The following FGD3 variants were observed in gnomAD, a reference collection of about 807,000 sequenced individuals.
FGD3 encodes FYVE, RhoGEF and PH domain-containing protein 3.
FGD3 carries 45 observed loss-of-function variants against 71.8 expected under a neutral mutation model. The observed-to-expected ratio is 0.63, with a 90% confidence interval of 0.49 to 0.80. FGD3 has a LOEUF of 0.80. FGD3 is among the 30% of genes least tolerant of loss of function. The pLI is 0.00. For synonymous variants in FGD3, 378 were observed against 392.8 expected (o/e 0.96, Z 0.44); for missense variants, 844 against 951.5 (o/e 0.89, Z 1.49).
At chr9:93,004,218 T>C (rs1367807836) in intron 5 of FGD3, 81 bp downstream of exon 5, 7 of 1,560,048 alleles carry the variant, frequency 4.5e-6, no homozygotes, top group Non-Finnish European at 5.2e-6. Context: ...GCGAGGCAAG[T>C]GCTGGGGGAC....
At chr9:92,962,134 G>A (rs1859178349) in intron 1 of FGD3, among the ~76,000 whole-genome samples, 1 of 152,184 alleles carries the variant, frequency 6.6e-6, no homozygotes, top group South Asian at 2.1e-4. Context: ...AACCAGGGAC[G>A]ACAGGACACT....
chr9:93,029,757 C>T, intron 14 of FGD3, 117 bp from the exon 15 acceptor site: 1 of 1,381,828 alleles, frequency 7.2e-7, no homozygotes, highest in Non-Finnish European at 9.8e-7. Context: ...GCATGTTCCA[C>T]TTTTTGCCTT....
intron 3 of FGD3, among the ~76,000 whole-genome samples, chr9:92,977,266 G>A (rs1318407628): frequency 6.6e-6 from 1 of 152,148 alleles, no homozygotes; most frequent in East Asian, 1.9e-4. Flanking sequence ...CCCACAACAC[G>A]ATGGGGCTGC....
intron 14 of FGD3, 63 bp downstream of exon 14, chr9:93,022,452 T>A: frequency 1.3e-6 from 2 of 1,564,106 alleles, no homozygotes; most frequent in East Asian, 4.5e-5. Context: ...CAGACCAGGA[T>A]GACCTATAGG....
chr9:92,990,424 C>T (rs918867914), intron 3 of FGD3, among the ~76,000 whole-genome samples: 1 of 152,172 alleles, frequency 6.6e-6, no homozygotes, highest in Non-Finnish European at 1.5e-5. Context: ...TTTCTCTTGC[C>T]TAACTCTTCT....
At chr9:92,952,632 T>G (rs1169735205) in intron 1 of FGD3, among the ~76,000 whole-genome samples, 1 of 151,962 alleles carries the variant, frequency 6.6e-6, no homozygotes, top group African/African-American at 2.4e-5. Context: ...GTTGAGCAAG[T>G]GTGGCTCAAA....
chr9:92,956,855 T>C (rs982782780), intron 1 of FGD3, among the ~76,000 whole-genome samples: 8 of 149,526 alleles, frequency 5.4e-5, no homozygotes, highest in Non-Finnish European at 8.9e-5. Flanking sequence ...TTTTTTTTTT[T>C]GAAGACAGAG....
chr9:93,015,381 G>A lies in FGD3; in HGVS notation c.1183-356G>A, dbSNP rs549346658. Among the ~76,000 whole-genome samples the A allele has an allele frequency of 2.6e-5, 4 of 152,196 alleles. No homozygotes were observed. In the South Asian group the frequency reaches 6.2e-4, roughly 24 times the overall value. ...TGAGGCAGGAGAAGCTCTTAAACAC[G>A]GGAGACGGAGTTTGCAGTGAGCCAA... On this transcript the variant is annotated intron_variant, in intron 9 of 17. Transcript: ENST00000375482.
intron 3 of FGD3, among the ~76,000 whole-genome samples, chr9:92,983,947 G>A (rs1255741999): frequency 1.3e-5 from 2 of 152,172 alleles, no homozygotes; most frequent in African/African-American, 2.4e-5. Flanking sequence ...TTTTCCAGTA[G>A]TGTCAAGTAC....
In FGD3 at chr9:92,989,340, C is replaced by G. The variant is rs200592672; in HGVS notation, c.453+12631C>G. Among the ~76,000 whole-genome samples, 14 of 152,284 alleles carry G rather than the reference C, an allele frequency of 9.2e-5. No individual in the cohort carries two copies. The East Asian group carries it at 2.1e-3, about 23-fold the overall frequency. On this transcript the variant is annotated intron_variant, in intron 3 of 17. Transcript: ENST00000375482. ...CTGGGATTACAGGCGTGATCCACCG[C>G]GCCTGGCCAACCCCTGACCTCTTCA... is the stretch of plus-strand genomic sequence containing the variant.
At position 93,003,913 on chromosome 9, in the gene FGD3, G is replaced by C. The variant is rs1049488589; in HGVS notation, c.544-88G>C. On this transcript the variant is annotated intron_variant, in intron 4 of 17. Transcript: ENST00000375482. This position sits in a 1 kb window ranked among gnomAD's most constrained non-coding sequence, Gnocchi z 4.1. ...CAAGGTGGCAGCAGCGGCCCCTCCC[G>C]AGCGCCCTCACCTGTGGCCGAAGCG... is the stretch of plus-strand genomic sequence containing the variant. The C allele has an allele frequency of 1.3e-6, 2 of 1,528,140 alleles. No individual in the cohort carries two copies. Among genetic ancestry groups the C allele is most frequent in the South Asian group, 2.3e-5 (2 of 86,528 alleles). The allele number at this position is 1,528,140 out of a possible 1,614,324, so 94.7% of individuals were successfully genotyped here. A position where few individuals can be genotyped will look rare whatever the true frequency, so the allele number is the denominator to read the frequency against.
chr9:93,013,349 G>A (rs370432345), intron 8 of FGD3, among the ~76,000 whole-genome samples: 5 of 152,210 alleles, frequency 3.3e-5, no homozygotes, highest in South Asian at 2.1e-4. Context: ...TCACCTCTGC[G>A]TTCTGCTACA....
chr9:92,950,975 G>C (rs1858943979), intron 1 of FGD3, among the ~76,000 whole-genome samples: 1 of 152,086 alleles, frequency 6.6e-6, no homozygotes, highest in African/African-American at 2.4e-5. Context: ...GCCTGCTTGG[G>C]CCCTGAAGAG....
chr9:93,010,268 T>C lies in FGD3; in HGVS notation c.860T>C (p.Leu287Pro). The C allele has an allele frequency of 6.2e-7, 1 of 1,611,258 alleles. No individual in the cohort carries two copies. Among genetic ancestry groups the C allele is most frequent in the Admixed American group, 1.7e-5 (1 of 59,908 alleles). The part of the protein sequence containing the change: ...SIQKQEVCGN[L>P]TLQHHMLEPV... Reference sequence around the variant, plus strand: ...CAGAAGCAGGAGGTATGCGGGAACCTGACGCTGCAGCACCACATGCTGGAG... The same window carrying C: ...CAGAAGCAGGAGGTATGCGGGAACCCGACGCTGCAGCACCACATGCTGGAG... The change falls in exon 7 of 18, where the codon CTG (leucine) becomes CCG (proline). Residue 287 changes from leucine (L) to proline (P), a missense_variant. Coordinates refer to ENST00000375482, the MANE Select transcript of FGD3 (RefSeq NM_001083536.2).
chr9:92,948,215 C>T (rs923477521), intron 1 of FGD3, among the ~76,000 whole-genome samples: 3 of 151,986 alleles, frequency 2.0e-5, no homozygotes, highest in African/African-American at 4.8e-5. Context: ...GACCCCATGT[C>T]GGATGCTGAG....
chr9:93,029,102 AC>A (rs1390323420), intron 14 of FGD3, among the ~76,000 whole-genome samples: 6 of 138,346 alleles, frequency 4.3e-5, no homozygotes, highest in Admixed American at 1.7e-4. Flanking sequence ...TCACTGCATC[AC>A]TGCAACCAAC....
chr9:93,002,824 C>A, intron 3 of FGD3, 101 bp from the exon 4 acceptor site: 1 of 1,162,900 alleles, frequency 8.6e-7, no homozygotes, highest in Non-Finnish European at 1.3e-6. Context: ...CTCCTGCCAC[C>A]CCTGTGGCCC....
chr9:93,016,239 G>A (rs1035729124), intron 10 of FGD3, among the ~76,000 whole-genome samples: 4 of 152,040 alleles, frequency 2.6e-5, no homozygotes, highest in Non-Finnish European at 5.9e-5. Flanking sequence ...GGCTTCCCTT[G>A]TCTGGTTCCT....
In FGD3 at chr9:93,004,026, C is replaced by T. The variant is rs1860954064; in HGVS notation, c.569C>T (p.Ala190Val). 1 of 1,614,132 alleles carries T rather than the reference C, an allele frequency of 6.2e-7. No homozygotes were observed. Among genetic ancestry groups the T allele is most frequent in the Non-Finnish European group, 8.5e-7 (1 of 1,180,030 alleles). Residue 190 changes from alanine to valine, a missense_variant, in exon 5 of 18, where the codon GCG (alanine) becomes GTG (valine). Physicochemically the swap from Ala to Val is moderately conservative, Grantham distance 64 (BLOSUM62 0). Transcript: ENST00000375482. ...GTTTTCTGCACCAGGCTGACGGATGCGGGGATCCCTCCAGAAGTCATCATG... is the reference window on the plus strand; with the variant it reads ...GTTTTCTGCACCAGGCTGACGGATGTGGGGATCCCTCCAGAAGTCATCATG... The part of the protein sequence containing the change: ...DQVFCTRLTD[A>V]GIPPEVIMGI...
Sources: gnomAD v4.1 joint callset for allele counts (sites outside exome capture counted in the v4.1 genomes callset) on GRCh38, gnomAD v4.1.1 for gene constraint, Gnocchi (gnomAD v3.1) non-coding constraint, MANE v1.5 for transcripts, NCBI Gene and HGNC (gene_info 2026-07-23, HGNC 2026-07-21) for gene names.